The following TAFA5 variants were observed in gnomAD, a reference collection of about 807,000 sequenced individuals.
TAFA5 encodes TAFA chemokine like family member 5, also known as chemokine-like protein TAFA-5.
A neutral mutation model predicts 15.3 loss-of-function variants in TAFA5; 6 were observed. The observed-to-expected ratio is 0.39, with a 90% CI of 0.21 to 0.77. The LOEUF is 0.77. Among genes scored for constraint, TAFA5 ranks in the 30% least tolerant of loss-of-function variants. The probability of loss-of-function intolerance (pLI) is 0.41; values close to 1 mark genes in which losing one functional copy is unlikely to be tolerated. For missense variants in TAFA5, 161 were observed against 193.1 expected (o/e 0.83, Z 0.98); for synonymous variants, 103 against 80.7 (o/e 1.28, Z -1.48).
chr22:48,502,645 C>T (rs955473922), intron 1 of TAFA5, among the ~76,000 whole-genome samples: 1 of 151,882 alleles, frequency 6.6e-6, no homozygotes, highest in Non-Finnish European at 1.5e-5. Flanking sequence ...CCTCAGCCTC[C>T]CGAGTAGCTG....
At chr22:48,698,081 A>ATGGTGGTGATAATGGTGGTGGTGG (rs1928780751) in intron 2 of TAFA5, among the ~76,000 whole-genome samples, 1 of 146,824 alleles carries the variant, frequency 6.8e-6, no homozygotes, top group Admixed American at 6.7e-5. Flanking sequence ...GGTGATGGTG[A>ATGGTGGTGATAATGGTGGTGGTGG]TGGTGGTGAT....
intron 1 of TAFA5, among the ~76,000 whole-genome samples, chr22:48,634,550 C>T (rs1337972684): frequency 6.6e-6 from 1 of 152,166 alleles, no homozygotes; most frequent in Non-Finnish European, 1.5e-5. Flanking sequence ...ATCATTCACT[C>T]AGTCATTCAC....
intron 3 of TAFA5, among the ~76,000 whole-genome samples, chr22:48,744,763 C>A (rs1310337950): frequency 6.6e-6 from 1 of 151,998 alleles, no homozygotes; most frequent in Non-Finnish European, 1.5e-5. Flanking sequence ...TTTTTCTTTT[C>A]TTTATTTTTT....
At chr22:48,544,865 C>T in intron 1 of TAFA5, 2 of 471,162 alleles carry the variant, frequency 4.2e-6, no homozygotes, top group Non-Finnish European at 8.8e-6. Context: ...CCTGAGGGAT[C>T]CTGAAGTAAG....
intron 1 of TAFA5, among the ~76,000 whole-genome samples, chr22:48,532,386 C>T (rs1419701980): frequency 3.9e-5 from 6 of 152,216 alleles, no homozygotes; most frequent in Admixed American, 2.0e-4. Context: ...GTTGGAAACA[C>T]GTATTTCATG....
chr22:48,712,318 A>G (rs1475432631), intron 3 of TAFA5, among the ~76,000 whole-genome samples: 1 of 152,142 alleles, frequency 6.6e-6, no homozygotes, highest in Non-Finnish European at 1.5e-5. Flanking sequence ...CGGCCTCCCA[A>G]AGTGCTGGGA....
chr22:48,581,991 A>T (rs982412800), intron 1 of TAFA5, among the ~76,000 whole-genome samples: 3 of 152,072 alleles, frequency 2.0e-5, no homozygotes, highest in African/African-American at 7.3e-5. Context: ...GGAACATGGG[A>T]CTGTTCGCTC....
chr22:48,655,999 C>T (rs569271285), intron 2 of TAFA5, among the ~76,000 whole-genome samples: 110 of 142,588 alleles, frequency 7.7e-4, no homozygotes, highest in African/African-American at 2.8e-3. Context: ...CCACTACACC[C>T]GGCTAATTTT....
At chr22:48,556,248 C>G (rs1378384532) in intron 1 of TAFA5, among the ~76,000 whole-genome samples, 1 of 152,194 alleles carries the variant, frequency 6.6e-6, no homozygotes, top group Admixed American at 6.5e-5. Flanking sequence ...TGCTCACTGG[C>G]CCTGCATCCC....
intron 3 of TAFA5, among the ~76,000 whole-genome samples, chr22:48,718,071 G>T (rs957281447): frequency 6.6e-6 from 1 of 152,188 alleles, no homozygotes; most frequent in African/African-American, 2.4e-5. Flanking sequence ...CATGGCCAGG[G>T]CAGGGCTGCT....
chr22:48,748,669 C>T (rs1018157210), intron 3 of TAFA5, among the ~76,000 whole-genome samples: 3 of 152,198 alleles, frequency 2.0e-5, no homozygotes, highest in Non-Finnish European at 4.4e-5. Flanking sequence ...ACGGCAAGGT[C>T]GTTCCCAGAG....
At chr22:48,630,551 C>T (rs1265782625) in intron 1 of TAFA5, among the ~76,000 whole-genome samples, 3 of 152,202 alleles carry the variant, frequency 2.0e-5, no homozygotes, top group Non-Finnish European at 4.4e-5. Context: ...CAGGTGGCCA[C>T]GCCTTCTTAC....
chr22:48,697,650 T>A (rs1021221443), intron 2 of TAFA5, among the ~76,000 whole-genome samples: 4 of 151,086 alleles, frequency 2.6e-5, no homozygotes, highest in African/African-American at 9.8e-5. Flanking sequence ...TTGGTGATGA[T>A]GGTAATGGTG....
chr22:48,560,382 C>T lies in TAFA5; in HGVS notation c.112+70678C>T, dbSNP rs1303845912. On this transcript the variant is annotated intron_variant, in intron 1 of 3. Transcript: ENST00000402357. The surrounding 1 kb of genome is among the most constrained non-coding windows in gnomAD (Gnocchi z 4.2). Reference sequence around the variant, plus strand: ...AGCATTTCCATTCTCGGCCTCCAATCCCTGGAGACCACACGTGGGATGCCA... The same window carrying T: ...AGCATTTCCATTCTCGGCCTCCAATTCCTGGAGACCACACGTGGGATGCCA... Among the ~76,000 whole-genome samples the T allele has an allele frequency of 6.6e-6, 1 of 152,078 alleles. No homozygotes were observed. Among genetic ancestry groups the T allele is most frequent in the Non-Finnish European group, 1.5e-5 (1 of 68,018 alleles).
chr22:48,527,012 C>A (rs951099342), intron 1 of TAFA5, among the ~76,000 whole-genome samples: 2 of 152,188 alleles, frequency 1.3e-5, no homozygotes, highest in African/African-American at 4.8e-5. Flanking sequence ...TGATGAGGCC[C>A]ACTATAACTT....
intron 2 of TAFA5, among the ~76,000 whole-genome samples, chr22:48,701,456 C>T (rs1258629060): frequency 6.6e-6 from 1 of 152,148 alleles, no homozygotes; most frequent in African/African-American, 2.4e-5. Flanking sequence ...CCCTGCCTGC[C>T]CGCTGGGAGT....
intron 1 of TAFA5, among the ~76,000 whole-genome samples, chr22:48,511,699 G>A (rs1448807100): frequency 6.6e-6 from 1 of 152,194 alleles, no homozygotes; most frequent in Non-Finnish European, 1.5e-5. Flanking sequence ...CACCCGGCCC[G>A]GCACACACAG....
intron 2 of TAFA5, among the ~76,000 whole-genome samples, chr22:48,660,562 C>T (rs1281571174): frequency 2.0e-5 from 3 of 152,242 alleles, no homozygotes; most frequent in African/African-American, 4.8e-5. Context: ...CCCCCTTAGC[C>T]GCAAAATGCT....
At chr22:48,646,788 C>T (rs774035594) in intron 2 of TAFA5, 42 bp downstream of exon 2, 68 of 1,528,196 alleles carry the variant, frequency 4.4e-5, no homozygotes, top group African/African-American at 1.1e-4. Context: ...GTGCTGAGCG[C>T]GGCGTCACCA....
Sources: gnomAD v4.1 joint callset for allele counts (sites outside exome capture counted in the v4.1 genomes callset) on GRCh38, gnomAD v4.1.1 for gene constraint, Gnocchi (gnomAD v3.1) non-coding constraint, MANE v1.5 for transcripts, NCBI Gene and HGNC (gene_info 2026-07-23, HGNC 2026-07-21) for gene names.